GABBR2: variants seen among roughly 807,000 people sequenced by gnomAD.
The protein encoded by GABBR2 is G-protein coupled receptor 51.
Under a neutral mutation model 105.6 loss-of-function variants are expected in GABBR2, and 23 were observed. That is an observed-to-expected ratio of 0.22 (90% CI 0.16 to 0.31). GABBR2 has a LOEUF of 0.31. Ranked by LOEUF, GABBR2 falls within the 10% of genes least tolerant of loss-of-function variation. The pLI is 1.00. For synonymous variants in GABBR2, 478 were observed against 499.7 expected (o/e 0.96, Z 0.58); for missense variants, 734 against 1,245.5 (o/e 0.59, Z 6.18).
In GABBR2 at chr9:98,593,578, C is replaced by T. The variant is rs187611161; in HGVS notation, c.322-15506G>A. Among the ~76,000 whole-genome samples the T allele has an allele frequency of 3.7e-3, 569 of 152,220 alleles. 6 individuals carry two copies. The highest frequency in any genetic ancestry group is 3.3e-3 in the Non-Finnish European group (224 of 68,006). On this transcript the variant is annotated intron_variant, in intron 1 of 18. Transcript: ENST00000259455. ...GAGAAGCCAGGAGGGGGTGCTGGGT[C>T]CAGGGGACACTGCTGAGTCCAGCAC... is the stretch of plus-strand genomic sequence containing the variant.
At chr9:98,606,518 T>A (rs1829424948) in intron 1 of GABBR2, among the ~76,000 whole-genome samples, 1 of 149,656 alleles carries the variant, frequency 6.7e-6, no homozygotes, top group Admixed American at 6.7e-5. Flanking sequence ...TCTCACTCTG[T>A]TGCTCAGGCT....
intron 7 of GABBR2, among the ~76,000 whole-genome samples, chr9:98,423,585 G>T (rs1333433799): frequency 1.3e-5 from 2 of 152,158 alleles, no homozygotes; most frequent in Non-Finnish European, 2.9e-5. Flanking sequence ...AGTTTCTTTT[G>T]CTGTGCAGAA....
chr9:98,608,078 A>C lies in GABBR2; in HGVS notation c.322-30006T>G, dbSNP rs1162937891. ...GGGAAGCTCAACAACGTATTTTAGA[A>C]CAACGAACTCTTCGAGAACCTTGGA... On this transcript the variant is annotated intron_variant, in intron 1 of 18. Coordinates refer to ENST00000259455, the MANE Select transcript of GABBR2 (RefSeq NM_005458.8). 4 of 1,314,328 alleles carry C rather than the reference A, an allele frequency of 3.0e-6. No homozygotes were observed. The East Asian group carries it at 9.3e-5, about 31-fold the overall frequency. The allele number at this position is 1,314,328 out of a possible 1,614,324, so 81.4% of individuals were successfully genotyped here.
At chr9:98,625,890 G>T (rs1018198925) in intron 1 of GABBR2, among the ~76,000 whole-genome samples, 1 of 152,150 alleles carries the variant, frequency 6.6e-6, no homozygotes, top group Non-Finnish European at 1.5e-5. Flanking sequence ...GGGAGCCAAG[G>T]AGCACACAAT....
At chr9:98,370,324 G>A (rs965612934) in intron 12 of GABBR2, among the ~76,000 whole-genome samples, 3 of 152,076 alleles carry the variant, frequency 2.0e-5, no homozygotes, top group Admixed American at 1.3e-4. Flanking sequence ...TCAAGAGGAC[G>A]GCAGGAGAGA....
intron 3 of GABBR2, among the ~76,000 whole-genome samples, chr9:98,541,181 A>G (rs1828296587): frequency 6.6e-6 from 1 of 152,222 alleles, no homozygotes; most frequent in Non-Finnish European, 1.5e-5. Context: ...TCTGTTGTAA[A>G]GTGAAAAAAG....
At chr9:98,644,500 G>C (rs1217716300) in intron 1 of GABBR2, among the ~76,000 whole-genome samples, 1 of 152,160 alleles carries the variant, frequency 6.6e-6, no homozygotes. Context: ...GGGCCAACCC[G>C]GTTCTCCTGG....
At chr9:98,493,086 G>A (rs1456309734) in intron 4 of GABBR2, among the ~76,000 whole-genome samples, 2 of 152,146 alleles carry the variant, frequency 1.3e-5, no homozygotes, top group Admixed American at 1.3e-4. Context: ...TTACATAATA[G>A]TAAACTTGTG....
In GABBR2 at chr9:98,463,676, C is replaced by T. The variant is rs567570551; in HGVS notation, c.1000-9459G>A. On this transcript the variant is annotated intron_variant, in intron 6 of 18. Transcript: ENST00000259455. Reference sequence around the variant, plus strand: ...CTCTTTCTACAGTCTCCCTCTCTTGCAGAGCCTGGGCAGTACTGCCGTGAT... The same window carrying T: ...CTCTTTCTACAGTCTCCCTCTCTTGTAGAGCCTGGGCAGTACTGCCGTGAT... 3.1e-4 allele frequency among the ~76,000 whole-genome samples: 44 copies of T among 144,230 alleles called. No individual in the cohort carries two copies. In the East Asian group the frequency reaches 5.7e-3, roughly 19 times the overall value. The allele number at this position is 144,230 out of a possible 152,430, so 94.6% of individuals were successfully genotyped here. A position where few individuals can be genotyped will look rare whatever the true frequency, so the allele number is the denominator to read the frequency against.
At chr9:98,352,244 C>T (rs1055903689) in intron 13 of GABBR2, among the ~76,000 whole-genome samples, 11 of 152,208 alleles carry the variant, frequency 7.2e-5, no homozygotes, top group Admixed American at 5.9e-4. Flanking sequence ...TGGCAGTTGT[C>T]TACTGGGTGT....
chr9:98,331,382 GA>G, intron 13 of GABBR2, among the ~76,000 whole-genome samples: 1 of 146,772 alleles, frequency 6.8e-6, no homozygotes, highest in Non-Finnish European at 1.5e-5. Flanking sequence ...AGACTTGGGG[GA>G]AAAGTCCCTC....
chr9:98,418,642 T>A (rs1832729878), intron 7 of GABBR2, among the ~76,000 whole-genome samples: 1 of 152,096 alleles, frequency 6.6e-6, no homozygotes, highest in Non-Finnish European at 1.5e-5. Flanking sequence ...GGAGGTGGAA[T>A]CAACAAGCCT....
intron 3 of GABBR2, among the ~76,000 whole-genome samples, chr9:98,511,826 G>A (rs1588204787): frequency 1.3e-5 from 2 of 152,252 alleles, no homozygotes; most frequent in East Asian, 1.9e-4. Context: ...TCTACCAGAG[G>A]TACAAGGAGG....
At chr9:98,381,022 C>A (rs745353891) in intron 11 of GABBR2, among the ~76,000 whole-genome samples, 1 of 152,236 alleles carries the variant, frequency 6.6e-6, no homozygotes, top group African/African-American at 2.4e-5. Context: ...TCTACCTTGT[C>A]CCCTGTCCTT....
chr9:98,447,495 G>T (rs1041372512), intron 7 of GABBR2, among the ~76,000 whole-genome samples: 6 of 152,036 alleles, frequency 3.9e-5, no homozygotes, highest in African/African-American at 1.4e-4. Flanking sequence ...ACAGGCAGGA[G>T]AGATGGGACA....
intron 3 of GABBR2, among the ~76,000 whole-genome samples, chr9:98,536,238 C>A (rs797015874): frequency 1.2e-4 from 19 of 152,228 alleles, no homozygotes; most frequent in Admixed American, 4.6e-4. Context: ...GGTCAAAGGC[C>A]AGGTCTCCAT....
At chr9:98,385,381 A>AT (rs1832053792) in intron 11 of GABBR2, among the ~76,000 whole-genome samples, 2 of 151,762 alleles carry the variant, frequency 1.3e-5, no homozygotes, top group South Asian at 2.1e-4. Flanking sequence ...TTTTTTTTGT[A>AT]TTTTTTGTAG....
At chr9:98,473,068 C>G (rs1005710870) in intron 6 of GABBR2, 78 bp downstream of exon 6, 1 of 1,050,696 alleles carries the variant, frequency 9.5e-7, no homozygotes, top group African/African-American at 1.6e-5. Flanking sequence ...AATAAATGTG[C>G]TCTTTTGGCC....
At chr9:98,573,016 A>G (rs7861531) in intron 2 of GABBR2, among the ~76,000 whole-genome samples, 59,614 of 152,036 alleles carry the variant, frequency 0.39, 12,021 homozygotes, top group Admixed American at 0.5. Flanking sequence ...GGAGGCTGAG[A>G]TTCTGCATGG....
Sources: allele counts gnomAD v4.1 joint callset (sites outside exome capture counted in the v4.1 genomes callset), GRCh38; gene constraint gnomAD v4.1.1; transcripts MANE v1.5; gene names NCBI Gene and HGNC (gene_info 2026-07-23, HGNC 2026-07-21).